The following CMIP variants were observed in gnomAD, a reference collection of about 807,000 sequenced individuals.
The protein encoded by CMIP is c-Maf inducing protein.
Under a neutral mutation model 97.3 loss-of-function variants are expected in CMIP, and 13 were observed. The observed-to-expected ratio is 0.13, with a 90% CI of 0.09 to 0.21. The LOEUF (loss-of-function observed/expected upper bound fraction) is 0.21. Among genes scored for constraint, CMIP ranks in the 10% least tolerant of loss-of-function variants. The pLI is 1.00. For missense variants in CMIP, 847 were observed against 1,024.9 expected, an observed-to-expected ratio of 0.83 and a Z score of 2.37; for synonymous variants, 538 against 436.3, an observed-to-expected ratio of 1.23 and a Z score of -2.91.
intron 1 of CMIP, among the ~76,000 whole-genome samples, chr16:81,594,437 A>G (rs2091517281): frequency 1.3e-5 from 2 of 148,744 alleles, no homozygotes; most frequent in African/African-American, 2.5e-5. Flanking sequence ...CCTTTTTCTT[A>G]GTTGTAATCT....
chr16:81,541,080 C>G (rs923042231), intron 1 of CMIP, among the ~76,000 whole-genome samples: 1 of 151,056 alleles, frequency 6.6e-6, no homozygotes, highest in African/African-American at 2.4e-5. Context: ...AAACACAATT[C>G]AATTATGTAC....
chr16:81,629,061 G>C (rs746383300), intron 3 of CMIP, among the ~76,000 whole-genome samples: 1 of 143,500 alleles, frequency 7.0e-6, no homozygotes, highest in South Asian at 2.3e-4. Flanking sequence ...GCTTGAACCC[G>C]GGAGGCGGAG....
intron 3 of CMIP, among the ~76,000 whole-genome samples, chr16:81,646,025 G>T (rs1265073335): frequency 6.6e-6 from 1 of 152,042 alleles, no homozygotes; most frequent in Non-Finnish European, 1.5e-5. Context: ...AGATCTTCAT[G>T]GGATGATTGG....
chr16:81,584,957 G>A (rs1374016269), intron 1 of CMIP, among the ~76,000 whole-genome samples: 1 of 152,192 alleles, frequency 6.6e-6, no homozygotes, highest in Admixed American at 6.5e-5. Context: ...AATATCACCC[G>A]TAAGTTTGGA....
At chr16:81,467,680 A>G (rs1450744525) in intron 1 of CMIP, among the ~76,000 whole-genome samples, 1 of 150,796 alleles carries the variant, frequency 6.6e-6, no homozygotes, top group Non-Finnish European at 1.5e-5. Flanking sequence ...TTCCAGGTTC[A>G]AGCGATTCTC....
chr16:81,601,763 C>T (rs1264208933), intron 1 of CMIP, among the ~76,000 whole-genome samples: 3 of 152,200 alleles, frequency 2.0e-5, no homozygotes, highest in African/African-American at 4.8e-5. Context: ...AGAACCCCAG[C>T]TTGTGGGCTG....
chr16:81,538,181 A>G (rs999019964), intron 1 of CMIP, among the ~76,000 whole-genome samples: 2 of 152,164 alleles, frequency 1.3e-5, no homozygotes, highest in African/African-American at 4.8e-5. Context: ...AGATTAGGGA[A>G]GTGGTAGGGA....
intron 1 of CMIP, among the ~76,000 whole-genome samples, chr16:81,546,263 A>G (rs1034361973): frequency 6.6e-6 from 1 of 152,136 alleles, no homozygotes; most frequent in African/African-American, 2.4e-5. Context: ...TACTTCTCCC[A>G]TGGTGTCCTG....
intron 10 of CMIP, among the ~76,000 whole-genome samples, chr16:81,680,764 C>T (rs1049640040): frequency 6.6e-6 from 1 of 152,206 alleles, no homozygotes; most frequent in Non-Finnish European, 1.5e-5. Context: ...GAGGGGGCTC[C>T]CTGCTCTGAT....
chr16:81,654,231 T>TTTATTATTATTATTATTATTATTA (rs58919554), intron 4 of CMIP, among the ~76,000 whole-genome samples: 188 of 150,822 alleles, frequency 1.2e-3, no homozygotes, highest in African/African-American at 4.3e-3. Context: ...CTCCTTGGGC[T>TTTATTATTATTATTATTATTATTA]TTATTATTAT....
chr16:81,552,696 A>T (rs2090682772), intron 1 of CMIP, among the ~76,000 whole-genome samples: 1 of 152,222 alleles, frequency 6.6e-6, no homozygotes, highest in Non-Finnish European at 1.5e-5. Context: ...CTGCCATGTC[A>T]GATGGCACAT....
chr16:81,471,376 A>G (rs1040114031), intron 1 of CMIP, among the ~76,000 whole-genome samples: 11 of 152,092 alleles, frequency 7.2e-5, no homozygotes, highest in African/African-American at 2.4e-4. Context: ...GTATGTGTAT[A>G]CATGTGCATA....
intron 1 of CMIP, among the ~76,000 whole-genome samples, chr16:81,474,212 C>T (rs11646903): frequency 5.5e-4 from 83 of 152,198 alleles, no homozygotes; most frequent in Non-Finnish European, 9.3e-4. Context: ...TTTGTACCCC[C>T]CGGGCTTGGA....
chr16:81,498,321 C>T lies in CMIP; in HGVS notation c.300+52780C>T, dbSNP rs1484486716. Among the ~76,000 whole-genome samples, 17 of 152,366 alleles carry T rather than the reference C, an allele frequency of 1.1e-4. No individual in the cohort carries two copies. The South Asian group carries it at 3.5e-3, about 32-fold the overall frequency. On this transcript the variant is annotated intron_variant, in intron 1 of 20. Transcript: ENST00000537098. ...CCTCCCTTGGGCACATTCTCTCCTT[C>T]CTTCCTTTCCAGCTTCCTGAGGACG...
intron 10 of CMIP, among the ~76,000 whole-genome samples, chr16:81,683,300 C>T (rs554254433): frequency 6.6e-6 from 1 of 152,300 alleles, no homozygotes; most frequent in African/African-American, 2.4e-5. Context: ...GCTTGGGACT[C>T]TTTGCAAACA....
intron 1 of CMIP, among the ~76,000 whole-genome samples, chr16:81,533,286 A>G (rs900512029): frequency 5.3e-5 from 8 of 152,190 alleles, no homozygotes; most frequent in Non-Finnish European, 1.2e-4. Context: ...GGCACCTGCT[A>G]GATGCTCAGT....
intron 15 of CMIP, among the ~76,000 whole-genome samples, chr16:81,700,263 G>A (rs11150399): frequency 0.46 from 69,769 of 151,586 alleles, 16,366 homozygotes; most frequent in Non-Finnish European, 0.51. Flanking sequence ...CTCCCCAGCC[G>A]CACCCTTCAC....
chr16:81,675,385 T>G (rs1904291831), intron 9 of CMIP, among the ~76,000 whole-genome samples: 1 of 149,982 alleles, frequency 6.7e-6, no homozygotes, highest in South Asian at 2.1e-4. Context: ...TTTTTTTTTT[T>G]TTTTTGTATT....
At chr16:81,548,085 C>T (rs1046959836) in intron 1 of CMIP, among the ~76,000 whole-genome samples, 3 of 151,066 alleles carry the variant, frequency 2.0e-5, no homozygotes, top group African/African-American at 7.3e-5. Context: ...GTATATACAT[C>T]ATGATTTTTC....
Sources: allele counts gnomAD v4.1 joint callset (sites outside exome capture counted in the v4.1 genomes callset), GRCh38; gene constraint gnomAD v4.1.1; transcripts MANE v1.5; gene names NCBI Gene and HGNC (gene_info 2026-07-23, HGNC 2026-07-21).